GPR176: variants seen among roughly 807,000 people sequenced by gnomAD.
GPR176 encodes the protein G-protein coupled receptor 176.
Under a neutral mutation model 35.4 loss-of-function variants are expected in GPR176, and 26 were observed. That is an observed-to-expected ratio of 0.74 (90% CI 0.54 to 1.02). The LOEUF (loss-of-function observed/expected upper bound fraction) is 1.02. GPR176 is among the 50% of genes least tolerant of loss of function. GPR176 has a pLI of 0.00. For missense variants in GPR176, 597 were observed against 665.3 expected, an observed-to-expected ratio of 0.90 and a Z score of 1.13; for synonymous variants, 278 against 271.3, an observed-to-expected ratio of 1.02 and a Z score of -0.24.
At chr15:39,848,317 T>C (rs1000279684) in intron 1 of GPR176, among the ~76,000 whole-genome samples, 1 of 152,192 alleles carries the variant, frequency 6.6e-6, no homozygotes, top group Non-Finnish European at 1.5e-5. Context: ...AAATGTGTGA[T>C]GCGAAAACTT....
intron 1 of GPR176, among the ~76,000 whole-genome samples, chr15:39,849,770 C>T (rs2030722451): frequency 6.6e-6 from 1 of 152,036 alleles, no homozygotes; most frequent in Non-Finnish European, 1.5e-5. Flanking sequence ...TTACAGAACA[C>T]CAATAGCTAA....
chr15:39,882,437 A>G (rs1412233138), intron 1 of GPR176, among the ~76,000 whole-genome samples: 1 of 152,238 alleles, frequency 6.6e-6, no homozygotes, highest in East Asian at 1.9e-4. Flanking sequence ...TTGAGGGATA[A>G]GTACTTAAAA....
chr15:39,887,970 C>T (rs2032732035), intron 1 of GPR176, among the ~76,000 whole-genome samples: 1 of 152,154 alleles, frequency 6.6e-6, no homozygotes, highest in Admixed American at 6.5e-5. Context: ...CTGGAGAGGG[C>T]ACCAGAGGAA....
At chr15:39,837,971 C>G (rs1901506592) in intron 1 of GPR176, among the ~76,000 whole-genome samples, 1 of 142,782 alleles carries the variant, frequency 7.0e-6, no homozygotes, top group Non-Finnish European at 1.5e-5. Context: ...TGGCAACATA[C>G]CAACACCCCA....
chr15:39,878,095 C>CGTGTGTGT (rs1411063695), intron 1 of GPR176, among the ~76,000 whole-genome samples: 562 of 40,920 alleles, frequency 0.014, 1 homozygote, highest in Admixed American at 0.028. Flanking sequence ...CCCATAGTTA[C>CGTGTGTGT]CTGTGTGTGT....
chr15:39,836,540 T>A (rs922408517), intron 1 of GPR176, among the ~76,000 whole-genome samples: 1 of 152,154 alleles, frequency 6.6e-6, no homozygotes, highest in African/African-American at 2.4e-5. Flanking sequence ...TAATCTCTTT[T>A]CTTTATAAAT....
intron 1 of GPR176, among the ~76,000 whole-genome samples, chr15:39,827,850 T>C (rs1261758489): frequency 6.6e-6 from 1 of 152,230 alleles, no homozygotes; most frequent in African/African-American, 2.4e-5. Flanking sequence ...AGTTGTGTGT[T>C]CAAATGTGTT....
At chr15:39,850,134 G>C (rs1485399788) in intron 1 of GPR176, among the ~76,000 whole-genome samples, 1 of 152,184 alleles carries the variant, frequency 6.6e-6, no homozygotes, top group African/African-American at 2.4e-5. Context: ...CAGTAGGTAA[G>C]CAGTGAGTGA....
At chr15:39,885,921 A>G (rs2032657051) in intron 1 of GPR176, among the ~76,000 whole-genome samples, 1 of 152,210 alleles carries the variant, frequency 6.6e-6, no homozygotes, top group African/African-American at 2.4e-5. Flanking sequence ...AGGGAACACT[A>G]AACAATGCAT....
At chr15:39,917,207 C>T (rs113889985) in intron 1 of GPR176, among the ~76,000 whole-genome samples, 2,481 of 151,322 alleles carry the variant, frequency 0.016, 77 homozygotes, top group African/African-American at 0.058. Context: ...CACTTGAAGC[C>T]GGGAGGCAGA....
intron 1 of GPR176, among the ~76,000 whole-genome samples, chr15:39,880,555 G>A (rs2032435698): frequency 6.6e-6 from 1 of 152,078 alleles, no homozygotes; most frequent in South Asian, 2.1e-4. Flanking sequence ...TATTTCACAG[G>A]TGCCTCAAAG....
intron 1 of GPR176, among the ~76,000 whole-genome samples, chr15:39,861,358 T>C (rs1385448957): frequency 6.6e-6 from 1 of 152,042 alleles, no homozygotes; most frequent in African/African-American, 2.4e-5. Flanking sequence ...GAGACCACCC[T>C]GATCAACATG....
At chr15:39,885,927 T>C (rs1441476834) in intron 1 of GPR176, among the ~76,000 whole-genome samples, 2 of 152,178 alleles carry the variant, frequency 1.3e-5, no homozygotes, top group Non-Finnish European at 2.9e-5. Context: ...CACTAAACAA[T>C]GCATCTTTAG....
At chr15:39,906,218 C>A (rs1482780945) in intron 1 of GPR176, among the ~76,000 whole-genome samples, 1 of 152,184 alleles carries the variant, frequency 6.6e-6, no homozygotes, top group African/African-American at 2.4e-5. Context: ...TGGTTTTCAA[C>A]CTAATTTTTG....
chr15:39,864,341 T>C (rs275744), intron 1 of GPR176, among the ~76,000 whole-genome samples: 149,287 of 152,314 alleles, frequency 0.98, 73,184 homozygotes, highest in Middle Eastern at 1. Flanking sequence ...TAAAGTCATA[T>C]ATTTACAGTC....
chr15:39,807,797 T>C (rs139876533), intron 1 of GPR176, among the ~76,000 whole-genome samples: 106 of 152,360 alleles, frequency 7.0e-4, no homozygotes, highest in Non-Finnish European at 1.2e-3. Context: ...ATATTTTTCA[T>C]TGTTGTTTTT....
At chr15:39,907,572 A>G (rs181817833) in intron 1 of GPR176, among the ~76,000 whole-genome samples, 1 of 152,322 alleles carries the variant, frequency 6.6e-6, no homozygotes, top group African/African-American at 2.4e-5. Flanking sequence ...TGACTGTAGC[A>G]AGAGCTGTGT....
chr15:39,860,596 T>C (rs1220885532), intron 1 of GPR176, among the ~76,000 whole-genome samples: 3 of 152,208 alleles, frequency 2.0e-5, no homozygotes, highest in Non-Finnish European at 2.9e-5. Flanking sequence ...TTTTAAGTCA[T>C]CGACTATACA....
At chr15:39,895,001 G>A (rs567240999) in intron 1 of GPR176, among the ~76,000 whole-genome samples, 14 of 152,354 alleles carry the variant, frequency 9.2e-5, no homozygotes, top group Middle Eastern at 3.4e-3. Context: ...GGCCGAGGCT[G>A]GCGGATCACT....
Sources: allele counts gnomAD v4.1 joint callset (sites outside exome capture counted in the v4.1 genomes callset), GRCh38; gene constraint gnomAD v4.1.1; transcripts MANE v1.5; gene names NCBI Gene and HGNC (gene_info 2026-07-23, HGNC 2026-07-21).